The following STARD13 variants were observed in gnomAD, a reference collection of about 807,000 sequenced individuals.
The protein encoded by STARD13 is StAR related lipid transfer domain containing 13.
STARD13 carries 62 observed loss-of-function variants against 106.4 expected under a neutral mutation model. The observed-to-expected ratio is 0.58, with a 90% CI of 0.48 to 0.72. STARD13 has a LOEUF of 0.72. STARD13 is among the 30% of genes least tolerant of loss of function. The probability of loss-of-function intolerance (pLI) is 0.00; values close to 1 mark genes in which losing one functional copy is unlikely to be tolerated. For synonymous variants in STARD13, 565 were observed against 553.0 expected (o/e 1.02, Z -0.31); for missense variants, 1,387 against 1,424.0 (o/e 0.97, Z 0.42).
chr13:33,161,296 G>C (rs984070923), intron 3 of STARD13, among the ~76,000 whole-genome samples: 5 of 151,870 alleles, frequency 3.3e-5, no homozygotes, highest in Admixed American at 6.6e-5. Context: ...GGAAATTTTG[G>C]GAGTGAGGAA....
At chr13:33,186,144 CA>C in intron 1 of STARD13, 1 of 1,138,796 alleles carries the variant, frequency 8.8e-7, no homozygotes, top group Non-Finnish European at 1.2e-6. Context: ...GCTGAGATTC[CA>C]AGCCTCCACA....
At chr13:33,335,197 G>C (rs1285860820) in intron 1 of STARD13, 1 of 152,262 alleles carries the variant, frequency 6.6e-6, no homozygotes, top group East Asian at 1.9e-4. Context: ...CTCCTGTGAG[G>C]GACTTTTGTT....
At chr13:33,156,545 C>T (rs919089027) in intron 3 of STARD13, among the ~76,000 whole-genome samples, 1 of 152,076 alleles carries the variant, frequency 6.6e-6, no homozygotes, top group Non-Finnish European at 1.5e-5. Context: ...CAAACAAGCC[C>T]ATCCAAATGT....
At chr13:33,261,460 C>T (rs1890636983) in intron 1 of STARD13, among the ~76,000 whole-genome samples, 1 of 152,110 alleles carries the variant, frequency 6.6e-6, no homozygotes, top group African/African-American at 2.4e-5. Flanking sequence ...GCAGTGGCAC[C>T]CACTCATATC....
chr13:33,227,156 C>T (rs150443919), intron 1 of STARD13, among the ~76,000 whole-genome samples: 112 of 152,318 alleles, frequency 7.4e-4, no homozygotes, highest in Middle Eastern at 6.8e-3. Flanking sequence ...CTACAACCTG[C>T]GAGCTTTGCT....
the STARD13 span, among the ~76,000 whole-genome samples, chr13:33,409,575 T>C: frequency 3.9e-5 from 6 of 152,218 alleles, no homozygotes; most frequent in African/African-American, 1.4e-4. Context: ...GCATTAGAGA[T>C]TCAACAGGGC....
At chr13:33,341,979 C>T (rs1245057008) in intron 1 of STARD13, among the ~76,000 whole-genome samples, 1 of 151,988 alleles carries the variant, frequency 6.6e-6, no homozygotes, top group Non-Finnish European at 1.5e-5. Flanking sequence ...TTAGTAGATA[C>T]GAGGTTTCAC....
intron 8 of STARD13, among the ~76,000 whole-genome samples, chr13:33,116,651 G>A (rs954092738): frequency 1.1e-4 from 16 of 152,236 alleles, no homozygotes; most frequent in African/African-American, 3.6e-4. Context: ...CTGATTAAAT[G>A]TAAAAGACTC....
the STARD13 span, among the ~76,000 whole-genome samples, chr13:33,577,608 A>C: frequency 6.6e-6 from 1 of 152,182 alleles, no homozygotes; most frequent in African/African-American, 2.4e-5. Flanking sequence ...AAGAGTGAAG[A>C]CAATTCAATG....
chr13:33,105,775 G>C, intron 13 of STARD13, 65 bp from the exon 14 acceptor site: 1 of 1,390,810 alleles, frequency 7.2e-7, no homozygotes, highest in South Asian at 1.2e-5. Context: ...AATTAGTTTT[G>C]GTGGACAGGG....
chr13:33,352,371 C>T (rs60484804), upstream of STARD13, among the ~76,000 whole-genome samples: 5,426 of 152,272 alleles, frequency 0.036, 348 homozygotes, highest in African/African-American at 0.12. Flanking sequence ...TAGAAGGGAC[C>T]TCTTGTTGAA....
At chr13:33,140,160 C>A (rs553123851) in intron 4 of STARD13, among the ~76,000 whole-genome samples, 1 of 152,194 alleles carries the variant, frequency 6.6e-6, no homozygotes, top group Non-Finnish European at 1.5e-5. Flanking sequence ...AAGCCCATCT[C>A]GCCTCTGGGT....
chr13:33,142,034 T>C (rs1879898543), intron 4 of STARD13, among the ~76,000 whole-genome samples: 1 of 152,186 alleles, frequency 6.6e-6, no homozygotes. Context: ...TTCACGTTGC[T>C]TTTTTGTTTT....
chr13:33,595,509 GA>G, the STARD13 span, among the ~76,000 whole-genome samples: 1 of 152,020 alleles, frequency 6.6e-6, no homozygotes, highest in Admixed American at 6.6e-5. Flanking sequence ...GAGTTTAAAA[GA>G]TTATAAAATG....
chr13:33,338,776 C>T (rs1457074392), intron 1 of STARD13, among the ~76,000 whole-genome samples: 3 of 150,356 alleles, frequency 2.0e-5, no homozygotes, highest in East Asian at 3.9e-4. Context: ...CCCAGCTACT[C>T]AGGGATGCTG....
chr13:33,331,079 A>G (rs546444348), intron 1 of STARD13, among the ~76,000 whole-genome samples: 2 of 152,312 alleles, frequency 1.3e-5, no homozygotes, highest in African/African-American at 4.8e-5. Context: ...AGACTATCCA[A>G]TAGAGCACCA....
At chr13:33,379,144 A>G in the STARD13 span, among the ~76,000 whole-genome samples, 1 of 152,196 alleles carries the variant, frequency 6.6e-6, no homozygotes, top group African/African-American at 2.4e-5. Flanking sequence ...TCTGACATGT[A>G]GTGTACTTGA....
chr13:33,280,784 T>C (rs945175765), intron 1 of STARD13: 7 of 152,322 alleles, frequency 4.6e-5, no homozygotes, highest in African/African-American at 1.4e-4. Context: ...ATACTTGTGA[T>C]TGCAGAATCC....
chr13:33,619,373 T>C, the STARD13 span, among the ~76,000 whole-genome samples: 25,455 of 152,138 alleles, frequency 0.17, 4,465 homozygotes, highest in African/African-American at 0.44. Context: ...AGAAAAAATA[T>C]GAATTTTTCC....
Sources: gnomAD v4.1 joint callset for allele counts (sites outside exome capture counted in the v4.1 genomes callset) on GRCh38, gnomAD v4.1.1 for gene constraint, MANE v1.5 for transcripts, NCBI Gene and HGNC (gene_info 2026-07-23, HGNC 2026-07-21) for gene names.